VEPH1: variants seen among roughly 807,000 people sequenced by gnomAD.
VEPH1 encodes the protein ventricular zone-expressed PH domain-containing protein homolog 1.
VEPH1 carries 80 observed loss-of-function variants against 85.2 expected under a neutral mutation model. The observed-to-expected ratio is 0.94, with a 90% CI of 0.78 to 1.13. The LOEUF (loss-of-function observed/expected upper bound fraction) is 1.13, where lower values mean the gene tolerates loss of function less well. Ranked by LOEUF, VEPH1 falls within the 50% of genes most tolerant of loss-of-function variation. VEPH1 has a pLI of 0.00. For missense variants in VEPH1, 955 were observed against 980.5 expected, an observed-to-expected ratio of 0.97 and a Z score of 0.35; for synonymous variants, 297 against 348.0, an observed-to-expected ratio of 0.85 and a Z score of 1.63.
At chr3:157,275,058 C>T (rs895757019) in intron 12 of VEPH1, among the ~76,000 whole-genome samples, 1 of 152,170 alleles carries the variant, frequency 6.6e-6, no homozygotes, top group African/African-American at 2.4e-5. Flanking sequence ...CTCCACATAA[C>T]TACTGTTCAC....
intron 6 of VEPH1, among the ~76,000 whole-genome samples, chr3:157,408,236 C>G (rs1006681290): frequency 1.1e-4 from 16 of 152,192 alleles, no homozygotes; most frequent in Non-Finnish European, 1.3e-4. Flanking sequence ...TTATGGATGG[C>G]CTTGGCTCAT....
chr3:157,337,791 A>G (rs1161599264), intron 9 of VEPH1, among the ~76,000 whole-genome samples: 2 of 152,242 alleles, frequency 1.3e-5, no homozygotes, highest in African/African-American at 4.8e-5. Flanking sequence ...TCTGAGGGAT[A>G]AAATGATCAA....
intron 5 of VEPH1, among the ~76,000 whole-genome samples, chr3:157,423,651 C>A (rs1031066415): frequency 6.6e-6 from 1 of 152,228 alleles, no homozygotes; most frequent in Non-Finnish European, 1.5e-5. Context: ...TTACCCCCAT[C>A]TCTGTTTATG....
chr3:157,383,381 A>G (rs1440686227), intron 6 of VEPH1, among the ~76,000 whole-genome samples: 2 of 152,168 alleles, frequency 1.3e-5, no homozygotes, highest in Admixed American at 6.5e-5. Context: ...TCAACCTGGC[A>G]CTAAATTGAG....
At chr3:157,329,626 T>TAA (rs1456696206) in intron 9 of VEPH1, among the ~76,000 whole-genome samples, 3 of 152,162 alleles carry the variant, frequency 2.0e-5, no homozygotes, top group African/African-American at 7.2e-5. Flanking sequence ...GTTGCCTTTT[T>TAA]TTTTTTACTA....
At chr3:157,282,229 A>G (rs765315359) in intron 12 of VEPH1, among the ~76,000 whole-genome samples, 20 of 151,908 alleles carry the variant, frequency 1.3e-4, no homozygotes, top group Non-Finnish European at 2.6e-4. Flanking sequence ...GGTCTATGCT[A>G]TGTTGGCCAG....
chr3:157,436,264 C>T (rs903655040), intron 4 of VEPH1, among the ~76,000 whole-genome samples: 10 of 143,634 alleles, frequency 7.0e-5, no homozygotes, highest in Admixed American at 7.6e-5. Flanking sequence ...GCAACAAGAG[C>T]GAAATTCAGT....
chr3:157,403,660 T>C (rs1730932507), intron 6 of VEPH1, among the ~76,000 whole-genome samples: 1 of 152,170 alleles, frequency 6.6e-6, no homozygotes, highest in Non-Finnish European at 1.5e-5. Context: ...AACTGTATTG[T>C]AGGTAATGCA....
At chr3:157,407,162 C>G (rs1308129363) in intron 6 of VEPH1, among the ~76,000 whole-genome samples, 21 of 152,148 alleles carry the variant, frequency 1.4e-4, no homozygotes, top group Admixed American at 1.4e-3. Context: ...GTAAAACCCT[C>G]TAAAGTGGAA....
intron 7 of VEPH1, 54 bp from the exon 8 acceptor site, chr3:157,364,566 C>A: frequency 1.3e-6 from 2 of 1,510,556 alleles, no homozygotes; most frequent in South Asian, 1.2e-5. Flanking sequence ...CTCTTCAGAA[C>A]AGTGTTATTC....
At chr3:157,350,106 A>G (rs1175408556) in intron 9 of VEPH1, among the ~76,000 whole-genome samples, 1 of 152,124 alleles carries the variant, frequency 6.6e-6, no homozygotes, top group African/African-American at 2.4e-5. Flanking sequence ...TCACATTACC[A>G]GACTTCAAAA....
chr3:157,410,437 G>A (rs186198216), intron 6 of VEPH1, among the ~76,000 whole-genome samples: 1 of 152,176 alleles, frequency 6.6e-6, no homozygotes. Flanking sequence ...ACCTCTCAAT[G>A]TACCTCAGGA....
At chr3:157,390,735 G>T (rs955741389) in intron 6 of VEPH1, among the ~76,000 whole-genome samples, 1 of 152,176 alleles carries the variant, frequency 6.6e-6, no homozygotes, top group South Asian at 2.1e-4. Flanking sequence ...GCTGATAAAA[G>T]CTGAAACATG....
At chr3:157,286,376 C>A (rs1040613278) in intron 12 of VEPH1, 181 bp downstream of exon 12, 3 of 633,164 alleles carry the variant, frequency 4.7e-6, no homozygotes, top group Non-Finnish European at 8.5e-6. Flanking sequence ...CAAAGTTTTC[C>A]CTTTTTCCTA....
At position 157,364,324 on chromosome 3, in the gene VEPH1, C is replaced by G; in HGVS notation, c.1316G>C (p.Arg439Thr). The part of the protein sequence containing the change: ...YSLGQVSKEE[R>T]KNIRFNRSKS... Reference sequence around the variant, plus strand: ...ATACCTGTTAAATCTAATGTTTTTTCTTTCTTCTTTAGAAACTTGGCCCAG... The same window carrying G: ...ATACCTGTTAAATCTAATGTTTTTTGTTTCTTCTTTAGAAACTTGGCCCAG... Residue 439 changes from arginine (R) to threonine (T), a missense_variant, in exon 8 of 14, where the codon AGA becomes ACA. Coordinates refer to ENST00000362010, the MANE Select transcript of VEPH1 (RefSeq NM_001167912.2). 1 of 1,610,746 alleles carries G rather than the reference C, an allele frequency of 6.2e-7. No individual in the cohort carries two copies. Among genetic ancestry groups the G allele is most frequent in the Non-Finnish European group, 8.5e-7 (1 of 1,178,942 alleles).
chr3:157,292,675 G>T (rs1202577777), intron 11 of VEPH1, among the ~76,000 whole-genome samples: 1 of 149,586 alleles, frequency 6.7e-6, no homozygotes, highest in Non-Finnish European at 1.5e-5. Context: ...CTGGGCAACA[G>T]AGTGAGACCT....
intron 4 of VEPH1, chr3:157,437,895 C>T (rs1285222071): frequency 8.5e-6 from 13 of 1,521,466 alleles, no homozygotes; most frequent in Non-Finnish European, 1.1e-5. Context: ...GCTGGGCTGC[C>T]CGGAGCTGGC....
intron 6 of VEPH1, among the ~76,000 whole-genome samples, chr3:157,398,744 G>A (rs1028753199): frequency 6.6e-6 from 1 of 151,976 alleles, no homozygotes; most frequent in Non-Finnish European, 1.5e-5. Flanking sequence ...AAAGGCTCCC[G>A]ACAGCATCCC....
At chr3:157,437,292 T>G (rs1488080205) in intron 4 of VEPH1, among the ~76,000 whole-genome samples, 1 of 152,226 alleles carries the variant, frequency 6.6e-6, no homozygotes, top group Admixed American at 6.5e-5. Context: ...TTGAGCTACA[T>G]AACCGGCGAT....
Sources: gnomAD v4.1 joint callset for allele counts (sites outside exome capture counted in the v4.1 genomes callset) on GRCh38, gnomAD v4.1.1 for gene constraint, MANE v1.5 for transcripts, NCBI Gene and HGNC (gene_info 2026-07-23, HGNC 2026-07-21) for gene names.